RNF167: variants seen among roughly 807,000 people sequenced by gnomAD.
The protein encoded by RNF167 is ring finger protein 167.
Under a neutral mutation model 34.8 loss-of-function variants are expected in RNF167, and 19 were observed. The ratio of observed to expected loss-of-function variants is 0.55; its 90% CI spans 0.38 to 0.80. The LOEUF is 0.80. Ranked by LOEUF, RNF167 falls within the 30% of genes least tolerant of loss-of-function variation. The probability of loss-of-function intolerance (pLI) is 0.00; values close to 1 mark genes in which losing one functional copy is unlikely to be tolerated. For synonymous variants in RNF167, 200 were observed against 170.4 expected, an observed-to-expected ratio of 1.17 and a Z score of -1.35; for missense variants, 464 against 447.0, an observed-to-expected ratio of 1.04 and a Z score of -0.34.
intron 3 of RNF167, 136 bp downstream of exon 3, chr17:4,941,293 G>A: frequency 1.3e-6 from 1 of 747,606 alleles, no homozygotes; most frequent in Non-Finnish European, 2.2e-6. Context: ...ACTGGAGGTA[G>A]GAAAATGAAG....
intron 3 of RNF167, among the ~76,000 whole-genome samples, chr17:4,941,867 A>C (rs1970841542): frequency 6.6e-6 from 1 of 152,118 alleles, no homozygotes; most frequent in Non-Finnish European, 1.5e-5. Flanking sequence ...CAGTGAGCCG[A>C]GATCGCGCCA....
Position 4,940,609 on chromosome 17 carries a change from C to A in RNF167, c.-301C>A. 3.1e-6 allele frequency: 1 copy of A among 325,094 alleles called. No homozygotes were observed. The highest frequency in any genetic ancestry group is 5.6e-6 in the Non-Finnish European group (1 of 178,526). 20.1% of individuals were successfully genotyped at this position (325,094 alleles called of 1,614,324 possible). A position where few individuals can be genotyped will look rare whatever the true frequency, so the allele number is the denominator to read the frequency against. Reference sequence around the variant, plus strand: ...GCAGGAAGTCCCACCTCCTTGAGCTCCGCCACCCTTCCCGAAGTTTTTCTG... The same window carrying A: ...GCAGGAAGTCCCACCTCCTTGAGCTACGCCACCCTTCCCGAAGTTTTTCTG... On this transcript the variant is annotated 5_prime_UTR_variant, in exon 2 of 10. Transcript: ENST00000262482.
At chr17:4,943,123 CT>C in intron 6 of RNF167, 55 bp from the exon 7 acceptor site, 1 of 1,512,288 alleles carries the variant, frequency 6.6e-7, no homozygotes, top group Non-Finnish European at 9.1e-7. Flanking sequence ...CTTTGTCCCT[CT>C]TTTTTTCTCC....
At position 4,943,433 on chromosome 17, in the gene RNF167, G is replaced by C. The variant is rs544769223; in HGVS notation, c.584G>C (p.Arg195Pro). ...CACCCCCGCTTCCCCCAGATAGCTCGTTGTATCCAGCACCGGAAACGGCTC... is the reference window on the plus strand; with the variant it reads ...CACCCCCGCTTCCCCCAGATAGCTCCTTGTATCCAGCACCGGAAACGGCTC... ...VLAMGAVMIA[R>P]CIQHRKRLQR... is the part of the protein sequence containing the mutation. The change falls in exon 8 of 10, where the codon CGT becomes CCT. Residue 195 changes from arginine to proline, a missense_variant. Transcript: ENST00000262482. 3.7e-6 allele frequency: 6 copies of C among 1,613,758 alleles called. No individual in the cohort carries two copies. The highest frequency in any genetic ancestry group is 4.5e-5 in the East Asian group (2 of 44,888).
At position 4,942,402 on chromosome 17, in the gene RNF167, C is replaced by T. The variant is rs1471406861; in HGVS notation, c.227C>T (p.Ala76Val). 1.9e-6 allele frequency: 3 copies of T among 1,614,000 alleles called. No individual in the cohort carries two copies. The highest frequency in any genetic ancestry group is 3.3e-5 in the Admixed American group (2 of 60,004). ...ACSPIAPPPP[A>V]PVNGSVFIAL... ...AGCCCCATTGCCCCACCACCCCCAG[C>T]CCCGGTCAATGGGTCAGTCTTTATT... is the stretch of plus-strand genomic sequence containing the variant. The change falls in exon 4 of 10, where the codon GCC (alanine) becomes GTC (valine). Residue 76 changes from alanine (A) to valine (V), a missense_variant. Ala to Val is a moderately conservative substitution (Grantham distance 64). Coordinates refer to ENST00000262482, the MANE Select transcript of RNF167 (RefSeq NM_015528.3).
At chr17:4,944,364 T>TA in intron 8 of RNF167, 194 bp from the exon 9 acceptor site, 1 of 1,309,992 alleles carries the variant, frequency 7.6e-7, no homozygotes, top group Non-Finnish European at 9.7e-7. Context: ...CTTCCCTTCT[T>TA]ACCTCTGCTT....
At chr17:4,941,873 C>T (rs546247096) in intron 3 of RNF167, among the ~76,000 whole-genome samples, 9 of 151,976 alleles carry the variant, frequency 5.9e-5, no homozygotes, top group South Asian at 2.1e-4. Flanking sequence ...GCCGAGATCG[C>T]GCCACTGCAC....
chr17:4,945,119 T>TACCC lies in RNF167; in HGVS notation c.*106_*109dup. The TACCC allele has an allele frequency of 9.3e-7, 1 of 1,070,106 alleles. No homozygotes were observed. The allele number at this position is 1,070,106 out of a possible 1,614,324, so 66.3% of individuals were successfully genotyped here. On this transcript the variant is annotated 3_prime_UTR_variant, in exon 10 of 10. Coordinates refer to ENST00000262482, the MANE Select transcript of RNF167 (RefSeq NM_015528.3). ...GACATTCCATCCCAAGCTTCTCCCT[T>TACCC]ACCCACACCTATCCTTTTGAGGGGC...
rs1298025527 is a variant in RNF167 at position 4,941,170 on chromosome 17, C to A, written c.165+13C>A. The A allele has an allele frequency of 3.7e-6, 6 of 1,608,446 alleles. No homozygotes were observed. Among genetic ancestry groups the A allele is most frequent in the African/African-American group, 1.3e-5 (1 of 74,914 alleles). ...GGAGGGCCTCCAGGTGATTTTCTTT[C>A]TTTTCTTTTCCTCCTTCCCTCCCTT... On this transcript the variant is annotated intron_variant, in intron 3 of 9. Coordinates refer to ENST00000262482, the MANE Select transcript of RNF167 (RefSeq NM_015528.3).
At position 4,942,654 on chromosome 17, in the gene RNF167, G is replaced by T. The variant is rs151155587; in HGVS notation, c.369G>T (p.Val123=). ...ATTCCAATGAACTTCTGAACATGGTGTGGAATAGTGGTAAGGCTGGGGGAA... is the reference window on the plus strand; with the variant it reads ...ATTCCAATGAACTTCTGAACATGGTTTGGAATAGTGGTAAGGCTGGGGGAA... ...NVNSNELLNM[V]WNSEEIQQQI... Residue 123 remains valine (V), a synonymous_variant, in exon 5 of 10, where the codon GTG becomes GTT. Coordinates refer to ENST00000262482, the MANE Select transcript of RNF167 (RefSeq NM_015528.3). 2 of 1,614,080 alleles carry T rather than the reference G, an allele frequency of 1.2e-6. No individual in the cohort carries two copies. The highest frequency in any genetic ancestry group is 2.7e-5 in the African/African-American group (2 of 74,940).
Position 4,942,447 on chromosome 17 carries a change from A to G in RNF167, c.272A>G (p.Asp91Gly). Residue 91 changes from aspartate to glycine, a missense_variant, in exon 4 of 10, where the codon GAC (aspartate) becomes GGC (glycine). Coordinates refer to ENST00000262482, the MANE Select transcript of RNF167 (RefSeq NM_015528.3). Reference protein sequence around the residue: ...SVFIALLRRFDCNFDLKVLNA... With the variant: ...SVFIALLRRFGCNFDLKVLNA... ...TTTATTGCGCTGCTTCGAAGATTCG[A>G]CTGCAACTTTGACCTCAAGGTTGCT... 1.2e-6 allele frequency: 2 copies of G among 1,614,094 alleles called. No individual in the cohort carries two copies. Among genetic ancestry groups the G allele is most frequent in the Non-Finnish European group, 1.7e-6 (2 of 1,180,014 alleles).
intron 3 of RNF167, among the ~76,000 whole-genome samples, chr17:4,941,431 C>T (rs1302469762): frequency 6.6e-6 from 1 of 152,122 alleles, no homozygotes; most frequent in Non-Finnish European, 1.5e-5. Flanking sequence ...GATCAACGGT[C>T]CTTATCAGGA....
rs201549290 is a variant in RNF167, at chr17:4,943,534, G to A, written c.670+15G>A. 1.5e-5 allele frequency: 24 copies of A among 1,592,252 alleles called. No homozygotes were observed. Among genetic ancestry groups the A allele is most frequent in the Non-Finnish European group, 6.0e-6 (7 of 1,161,480 alleles). On this transcript the variant is annotated intron_variant, in intron 8 of 9. Transcript: ENST00000262482. ...CTATCAGAAGGGTGAGGGGGTTAGG[G>A]GAGAAGAGGGCTTTTCCCACAGTTT...
chr17:4,940,187 C>A, upstream of RNF167: 1 of 354,852 alleles, frequency 2.8e-6, no homozygotes, highest in East Asian at 5.0e-5. Context: ...ATTAGAATCG[C>A]GGGAAAATAG....
In RNF167 at chr17:4,945,130, A is replaced by G. The variant is rs1971290051; in HGVS notation, c.*114A>G. ...CCAAGCTTCTCCCTTACCCACACCT[A>G]TCCTTTTGAGGGGCTTTGGGGTGGA... On this transcript the variant is annotated 3_prime_UTR_variant, in exon 10 of 10. Coordinates refer to ENST00000262482, the MANE Select transcript of RNF167 (RefSeq NM_015528.3). 6.2e-6 allele frequency: 6 copies of G among 974,514 alleles called. No homozygotes were observed. Among genetic ancestry groups the G allele is most frequent in the Non-Finnish European group, 8.8e-6 (6 of 679,970 alleles). The allele number at this position is 974,514 out of a possible 1,614,324, so 60.4% of individuals were successfully genotyped here.
chr17:4,941,062 C>CT lies in RNF167; in HGVS notation c.85-9dup. On this transcript the variant is annotated splice_polypyrimidine_tract_variant and intron_variant, in intron 2 of 9. Coordinates refer to ENST00000262482, the MANE Select transcript of RNF167 (RefSeq NM_015528.3). ...GTTGCAGGCTGAAGGGGAACATCGC[C>CT]TTTTTTGTCCGCAGACCTCGGACCA... The CT allele has an allele frequency of 6.2e-7, 1 of 1,614,148 alleles. No homozygotes were observed. The highest frequency in any genetic ancestry group is 1.1e-5 in the South Asian group (1 of 91,082).
intron 6 of RNF167, 67 bp from the exon 7 acceptor site, chr17:4,943,093 GCTTTGTCCAGAGCCAGTTA>G: frequency 7.4e-7 from 1 of 1,352,638 alleles, no homozygotes; most frequent in African/African-American, 1.4e-5. Flanking sequence ...CCACCTATGG[GCTTTGTCCAGAGCCAGTTA>G]CTTTGTCCCT....
At chr17:4,941,245 A>C in intron 3 of RNF167, 88 bp downstream of exon 3, 1 of 1,226,632 alleles carries the variant, frequency 8.2e-7, no homozygotes, top group Non-Finnish European at 1.2e-6. Context: ...AAGATCCTCC[A>C]TCCTAGGCTG....
chr17:4,941,078 C>T lies in RNF167; in HGVS notation c.86C>T (p.Thr29Ile), dbSNP rs139697970. The T allele has an allele frequency of 6.2e-7, 1 of 1,614,088 alleles. No homozygotes were observed. Among genetic ancestry groups the T allele is most frequent in the African/African-American group, 1.3e-5 (1 of 74,928 alleles). The change falls in exon 3 of 10, where the codon ACC becomes ATC. Residue 29 changes from threonine (T) to isoleucine (I), a missense_variant and splice_region_variant. By Grantham distance (89) the Thr-to-Ile change is moderately conservative. Coordinates refer to ENST00000262482, the MANE Select transcript of RNF167 (RefSeq NM_015528.3). ...AAPTRGLIRA[T>I]SDHNASMDFA... ...GAACATCGCCTTTTTTGTCCGCAGACCTCGGACCACAATGCCAGCATGGAC... is the reference window on the plus strand; with the variant it reads ...GAACATCGCCTTTTTTGTCCGCAGATCTCGGACCACAATGCCAGCATGGAC...
Sources: gnomAD v4.1 joint callset for allele counts (sites outside exome capture counted in the v4.1 genomes callset) on GRCh38, gnomAD v4.1.1 for gene constraint, MANE v1.5 for transcripts, NCBI Gene and HGNC (gene_info 2026-07-23, HGNC 2026-07-21) for gene names.